PARD3B: variants seen among roughly 807,000 people sequenced by gnomAD.
PARD3B encodes par-3 family cell polarity regulator beta.
In PARD3B, 103 loss-of-function variants were observed where a neutral mutation model predicts 130.2. The observed-to-expected ratio is 0.79, with a 90% CI of 0.67 to 0.93. PARD3B has a LOEUF of 0.93. PARD3B is among the 40% of genes least tolerant of loss of function. The pLI, the probability that PARD3B is intolerant of heterozygous loss-of-function variation, is 0.00. For missense variants in PARD3B, 1,609 were observed against 1,499.2 expected (o/e 1.07, Z -1.21); for synonymous variants, 583 against 553.2 (o/e 1.05, Z -0.76).
At position 204,604,042 on chromosome 2, in the gene PARD3B, C is replaced by A. The variant is rs540710368; in HGVS notation, c.120+57923C>A. Among the ~76,000 whole-genome samples the A allele has an allele frequency of 2.2e-4, 34 of 152,252 alleles. 1 individual carries two copies. In the South Asian group the frequency reaches 7.0e-3, roughly 32 times the overall value. ...TAAATATTTGTTGAAGGGTTTTGGT[C>A]ATTTCTGTTCACACTTGAATAATAT... On this transcript the variant is annotated intron_variant, in intron 1 of 22. Transcript: ENST00000406610.
Position 204,890,248 on chromosome 2 carries a change from A to G in PARD3B, c.223-74904A>G, listed in dbSNP as rs576019736. Reference sequence around the variant, plus strand: ...TGTACAGGAAGGTATGCTTTGGTTCAGAACTGCATACATAGTAGGCATTTT... The same window carrying G: ...TGTACAGGAAGGTATGCTTTGGTTCGGAACTGCATACATAGTAGGCATTTT... On this transcript the variant is annotated intron_variant, in intron 2 of 22. Transcript: ENST00000406610. The surrounding 1 kb of genome is among the most constrained non-coding windows in gnomAD (Gnocchi z 4.9). Among the ~76,000 whole-genome samples the G allele has an allele frequency of 3.8e-4, 58 of 152,220 alleles. No homozygotes were observed. The highest frequency in any genetic ancestry group is 2.4e-4 in the Non-Finnish European group (16 of 68,042).
chr2:205,456,426 A>C (rs1345676383), intron 20 of PARD3B, among the ~76,000 whole-genome samples: 1 of 152,066 alleles, frequency 6.6e-6, no homozygotes, highest in African/African-American at 2.4e-5. Flanking sequence ...TAGAACCTCC[A>C]GTACTATGTT....
At chr2:205,090,140 C>G (rs1004519000) in intron 4 of PARD3B, among the ~76,000 whole-genome samples, 2 of 152,200 alleles carry the variant, frequency 1.3e-5, no homozygotes, top group African/African-American at 4.8e-5. Context: ...ATGTGCTTTT[C>G]TGTGCAACCC....
intron 19 of PARD3B, among the ~76,000 whole-genome samples, chr2:205,426,615 G>A (rs1213456178): frequency 1.3e-5 from 2 of 152,150 alleles, no homozygotes; most frequent in African/African-American, 2.4e-5. Flanking sequence ...CTCTGACTCT[G>A]TTGTTTGGGT....
Position 205,532,849 on chromosome 2 carries a change from G to A in PARD3B, c.3181-20475G>A, listed in dbSNP as rs148056859. ...CATATGACACCAGCCCCTTCTCTGC[G>A]AATCATTCCTGTCATTAAAATCAAT... On this transcript the variant is annotated intron_variant, in intron 21 of 22. Coordinates refer to ENST00000406610, the MANE Select transcript of PARD3B (RefSeq NM_001302769.2). Among the ~76,000 whole-genome samples, 864 of 152,194 alleles carry A rather than the reference G, an allele frequency of 5.7e-3. 6 individuals carry two copies. Among genetic ancestry groups the A allele is most frequent in the African/African-American group, 0.019 (808 of 41,518 alleles).
In PARD3B at chr2:204,578,691, A is replaced by G. The variant is rs1351871970; in HGVS notation, c.120+32572A>G. Reference sequence around the variant, plus strand: ...GAACTACACAGGTGATAAAAATTCAAATGGTGTCTTTGAAGTCCGGCCTAT... The same window carrying G: ...GAACTACACAGGTGATAAAAATTCAGATGGTGTCTTTGAAGTCCGGCCTAT... On this transcript the variant is annotated intron_variant, in intron 1 of 22. Coordinates refer to ENST00000406610, the MANE Select transcript of PARD3B (RefSeq NM_001302769.2). 2.0e-5 allele frequency among the ~76,000 whole-genome samples: 3 copies of G among 152,218 alleles called. 1 individual carries two copies. The highest frequency in any genetic ancestry group is 4.1e-4 in the South Asian group (2 of 4,828).
chr2:205,315,180 G>C lies in PARD3B; in HGVS notation c.2630+13479G>C, dbSNP rs938180946. 9.9e-5 allele frequency among the ~76,000 whole-genome samples: 15 copies of C among 152,260 alleles called. No homozygotes were observed. The South Asian group carries it at 3.1e-3, about 32-fold the overall frequency. Reference sequence around the variant, plus strand: ...CACAAAAATGCAATGTAACGTAGTAGCAAAGAGAGCAGCTCTGGAACTATT... The same window carrying C: ...CACAAAAATGCAATGTAACGTAGTACCAAAGAGAGCAGCTCTGGAACTATT... On this transcript the variant is annotated intron_variant, in intron 18 of 22. Coordinates refer to ENST00000406610, the MANE Select transcript of PARD3B (RefSeq NM_001302769.2).
At chr2:204,867,064 ACT>A (rs200882099) in intron 2 of PARD3B, among the ~76,000 whole-genome samples, 2,649 of 152,034 alleles carry the variant, frequency 0.017, 84 homozygotes, top group African/African-American at 0.06. Context: ...AGTGAATGAG[ACT>A]CTGTCGCAAA....
intron 2 of PARD3B, among the ~76,000 whole-genome samples, chr2:204,911,681 T>A (rs1192628060): frequency 6.6e-6 from 1 of 152,214 alleles, no homozygotes; most frequent in Non-Finnish European, 1.5e-5. Flanking sequence ...TATGTGACTG[T>A]TTGCCAGGGT....
intron 2 of PARD3B, among the ~76,000 whole-genome samples, chr2:204,926,187 C>T (rs1402289667): frequency 6.6e-6 from 1 of 151,946 alleles, no homozygotes; most frequent in Admixed American, 6.6e-5. Flanking sequence ...CAGGCAAGAC[C>T]ACACACAAAG....
chr2:205,170,167 G>A (rs141155586), intron 11 of PARD3B, among the ~76,000 whole-genome samples: 10 of 152,082 alleles, frequency 6.6e-5, no homozygotes, highest in African/African-American at 2.4e-4. Flanking sequence ...TGACCTCAGG[G>A]GATCCGCCCA....
chr2:205,500,834 A>G (rs577177916), intron 21 of PARD3B, among the ~76,000 whole-genome samples: 1 of 152,262 alleles, frequency 6.6e-6, no homozygotes, highest in African/African-American at 2.4e-5. Flanking sequence ...GAACATGGTA[A>G]TAGCAGTGTC....
chr2:205,488,546 T>C (rs2049538632), intron 20 of PARD3B, among the ~76,000 whole-genome samples: 1 of 152,214 alleles, frequency 6.6e-6, no homozygotes, highest in Non-Finnish European at 1.5e-5. Flanking sequence ...GATCTCTCAC[T>C]GAACCCACTC....
intron 1 of PARD3B, among the ~76,000 whole-genome samples, chr2:204,608,756 A>G (rs1025858880): frequency 1.3e-5 from 2 of 152,200 alleles, no homozygotes; most frequent in Non-Finnish European, 2.9e-5. Context: ...CTGCATATGC[A>G]TACAAGACTT....
At chr2:205,295,277 A>C (rs527293585) in intron 16 of PARD3B, among the ~76,000 whole-genome samples, 3 of 152,330 alleles carry the variant, frequency 2.0e-5, no homozygotes, top group African/African-American at 7.2e-5. Context: ...GTGTTTGTCC[A>C]AGTTGACTGC....
intron 18 of PARD3B, among the ~76,000 whole-genome samples, chr2:205,383,038 T>A (rs930988115): frequency 2.1e-5 from 3 of 145,406 alleles, no homozygotes; most frequent in Non-Finnish European, 3.1e-5. Flanking sequence ...TGCTTGAGTA[T>A]CATTGTTTCT....
At chr2:205,115,927 G>A (rs1277358798) in intron 6 of PARD3B, among the ~76,000 whole-genome samples, 1 of 151,964 alleles carries the variant, frequency 6.6e-6, no homozygotes, top group African/African-American at 2.4e-5. Context: ...TGCCTCCAAT[G>A]TATTTTTTTA....
chr2:204,556,414 A>G (rs975959614), intron 1 of PARD3B, among the ~76,000 whole-genome samples: 2 of 152,210 alleles, frequency 1.3e-5, no homozygotes, highest in Non-Finnish European at 2.9e-5. Context: ...CCTGGATGAT[A>G]AGGCACACAC....
intron 2 of PARD3B, among the ~76,000 whole-genome samples, chr2:204,831,849 C>A (rs542070976): frequency 1.3e-5 from 2 of 151,950 alleles, no homozygotes; most frequent in African/African-American, 4.8e-5. Flanking sequence ...AATTACTGAA[C>A]AGAGTTTGTG....
Sources: gnomAD v4.1 joint callset for allele counts (sites outside exome capture counted in the v4.1 genomes callset) on GRCh38, gnomAD v4.1.1 for gene constraint, Gnocchi (gnomAD v3.1) non-coding constraint, MANE v1.5 for transcripts, NCBI Gene and HGNC (gene_info 2026-07-23, HGNC 2026-07-21) for gene names.